The following CPNE4 variants were observed in gnomAD, a reference collection of about 807,000 sequenced individuals.
CPNE4 encodes copine-4.
A neutral mutation model predicts 67.9 loss-of-function variants in CPNE4; 25 were observed. That is an observed-to-expected ratio of 0.37 (90% confidence interval 0.27 to 0.51). The LOEUF is 0.51. Ranked by LOEUF, CPNE4 falls within the 20% of genes least tolerant of loss-of-function variation. CPNE4 has a pLI of 0.93. For synonymous variants in CPNE4, 242 were observed against 244.9 expected (o/e 0.99, Z 0.11); for missense variants, 464 against 690.8 (o/e 0.67, Z 3.68).
chr3:132,029,078 G>A (rs977609028), intron 1 of CPNE4, among the ~76,000 whole-genome samples: 2 of 151,852 alleles, frequency 1.3e-5, no homozygotes, highest in African/African-American at 2.4e-5. Flanking sequence ...CTAATACTCG[G>A]GTTAAGTGAT....
intron 2 of CPNE4, among the ~76,000 whole-genome samples, chr3:131,793,585 T>C (rs2083840194): frequency 6.6e-6 from 1 of 152,210 alleles, no homozygotes; most frequent in Admixed American, 6.5e-5. Context: ...ATAGTCACTA[T>C]CTCTCTCACT....
At chr3:131,809,136 AG>A (rs540258422) in intron 2 of CPNE4, among the ~76,000 whole-genome samples, 24 of 152,300 alleles carry the variant, frequency 1.6e-4, no homozygotes, top group Non-Finnish European at 2.6e-4. Flanking sequence ...AACTTAATAT[AG>A]GGAGATTATC....
rs1490744107 is a variant in CPNE4, at chr3:131,586,746, G to A, written c.780+738C>T. On this transcript the variant is annotated intron_variant, in intron 8 of 15. Coordinates refer to ENST00000429747, the MANE Select transcript of CPNE4 (RefSeq NM_130808.3). ...TCTCTATCTGTCTGTCTGTCTGTCT[G>A]TCTGTCTGTCTGTCTGTCTGTCTGT... is the stretch of plus-strand genomic sequence containing the variant. Among the ~76,000 whole-genome samples the A allele has an allele frequency of 5.5e-3, 831 of 150,302 alleles. 6 individuals are homozygous for A. The highest frequency in any genetic ancestry group is 0.019 in the African/African-American group (768 of 39,854).
intron 3 of CPNE4, among the ~76,000 whole-genome samples, chr3:131,707,046 G>A (rs1036615769): frequency 3.3e-5 from 5 of 152,134 alleles, no homozygotes; most frequent in African/African-American, 9.7e-5. Flanking sequence ...TGGGCCATTG[G>A]GCACTCATAT....
chr3:131,649,185 A>T (rs186678373), intron 7 of CPNE4, among the ~76,000 whole-genome samples: 67 of 152,364 alleles, frequency 4.4e-4, no homozygotes, highest in African/African-American at 1.4e-3. Flanking sequence ...TGCTTCTCAG[A>T]ATGACAAGCT....
chr3:131,597,826 GTA>G (rs1938980512), intron 7 of CPNE4, among the ~76,000 whole-genome samples: 1 of 152,132 alleles, frequency 6.6e-6, no homozygotes, highest in Admixed American at 6.5e-5. Context: ...TGGCTTGTGA[GTA>G]TATCCACCAC....
chr3:131,566,299 GTGTA>G (rs776706119), intron 10 of CPNE4, among the ~76,000 whole-genome samples: 1 of 151,872 alleles, frequency 6.6e-6, no homozygotes, highest in Non-Finnish European at 1.5e-5. Flanking sequence ...TGAAATGTGT[GTGTA>G]TGTATGTTTG....
At chr3:131,607,476 T>G (rs534952421) in intron 7 of CPNE4, among the ~76,000 whole-genome samples, 1 of 152,302 alleles carries the variant, frequency 6.6e-6, no homozygotes, top group East Asian at 1.9e-4. Flanking sequence ...CATCTATAAC[T>G]ACTTTGAGAG....
intron 1 of CPNE4, among the ~76,000 whole-genome samples, chr3:131,913,001 T>C (rs2089040143): frequency 1.3e-5 from 2 of 152,094 alleles, no homozygotes; most frequent in African/African-American, 4.8e-5. Flanking sequence ...GACACTCGTA[T>C]ATGAGATGCA....
At chr3:131,930,290 G>A (rs2071021037) in intron 1 of CPNE4, among the ~76,000 whole-genome samples, 1 of 152,160 alleles carries the variant, frequency 6.6e-6, no homozygotes, top group South Asian at 2.1e-4. Flanking sequence ...GAAAATAGAA[G>A]GAGACAGAGC....
chr3:131,773,262 A>G (rs1513382), intron 2 of CPNE4, among the ~76,000 whole-genome samples: 31,379 of 152,200 alleles, frequency 0.21, 3,972 homozygotes, highest in Middle Eastern at 0.27. Flanking sequence ...ATCAGCAAGG[A>G]CATACCTGTT....
chr3:131,821,363 C>T (rs778076918), intron 2 of CPNE4, among the ~76,000 whole-genome samples: 6 of 152,184 alleles, frequency 3.9e-5, no homozygotes, highest in East Asian at 1.9e-4. Context: ...GGCAACTGGA[C>T]GGACCCCTGA....
At chr3:131,933,829 A>G (rs148398364) in intron 1 of CPNE4, among the ~76,000 whole-genome samples, 125 of 152,262 alleles carry the variant, frequency 8.2e-4, no homozygotes, top group Non-Finnish European at 1.5e-3. Flanking sequence ...TATATGTGAA[A>G]CCTGAGACAA....
At chr3:131,994,775 T>C (rs925993488) in intron 1 of CPNE4, among the ~76,000 whole-genome samples, 6 of 152,206 alleles carry the variant, frequency 3.9e-5, no homozygotes, top group African/African-American at 9.6e-5. Flanking sequence ...AAACAGATTT[T>C]TAAAAACCTT....
intron 1 of CPNE4, among the ~76,000 whole-genome samples, chr3:131,978,128 ATATT>A (rs1376633486): frequency 1.2e-5 from 1 of 82,750 alleles, no homozygotes; most frequent in Non-Finnish European, 2.1e-5. Flanking sequence ...ATAAATATAT[ATATT>A]TATATAAATA....
chr3:131,884,792 T>TC (rs1311554456), intron 2 of CPNE4, among the ~76,000 whole-genome samples: 1 of 152,194 alleles, frequency 6.6e-6, no homozygotes, highest in Admixed American at 6.5e-5. Flanking sequence ...TCCTTTCCTC[T>TC]CTTTGCCTGC....
chr3:131,874,146 T>C (rs2087337610), intron 2 of CPNE4, among the ~76,000 whole-genome samples: 1 of 151,850 alleles, frequency 6.6e-6, no homozygotes, highest in Non-Finnish European at 1.5e-5. Context: ...TGGAGTGCAG[T>C]GGCGCAATCT....
rs540659388 is a variant in CPNE4 at position 131,687,055 on chromosome 3, G to C, written c.508-1097C>G. On this transcript the variant is annotated intron_variant, in intron 5 of 15. Transcript: ENST00000429747. The stretch of plus-strand genomic sequence containing the variant: ...AGGAATTCCCTTGAGTGGAAAATCT[G>C]CACAGAATGTCTTAAGCACCTCCAT... 7.2e-5 allele frequency among the ~76,000 whole-genome samples: 11 copies of C among 152,226 alleles called. No individual in the cohort carries two copies. In the South Asian group the frequency reaches 2.3e-3, roughly 32 times the overall value.
At chr3:131,678,562 G>A (rs1583008243) in intron 6 of CPNE4, among the ~76,000 whole-genome samples, 1 of 152,048 alleles carries the variant, frequency 6.6e-6, no homozygotes, top group Non-Finnish European at 1.5e-5. Flanking sequence ...GTATGATGTT[G>A]TCTGTGGGTT....
Sources: gnomAD v4.1 joint callset for allele counts (sites outside exome capture counted in the v4.1 genomes callset) on GRCh38, gnomAD v4.1.1 for gene constraint, MANE v1.5 for transcripts, NCBI Gene and HGNC (gene_info 2026-07-23, HGNC 2026-07-21) for gene names.